The following MAD1L1 variants were observed in gnomAD, a reference collection of about 807,000 sequenced individuals.
MAD1L1 encodes mitotic arrest deficient 1 like 1.
MAD1L1 carries 95 observed loss-of-function variants against 96.9 expected under a neutral mutation model. That is an observed-to-expected ratio of 0.98 (90% CI 0.83 to 1.16). The LOEUF is 1.16. Ranked by LOEUF, MAD1L1 falls within the 50% of genes most tolerant of loss-of-function variation. MAD1L1 has a pLI of 0.00. For missense variants in MAD1L1, 1,007 were observed against 954.4 expected (o/e 1.06, Z -0.73); for synonymous variants, 473 against 396.6 (o/e 1.19, Z -2.29).
chr7:1,897,798 A>C (rs1786976783), intron 18 of MAD1L1, among the ~76,000 whole-genome samples: 1 of 152,174 alleles, frequency 6.6e-6, no homozygotes, highest in African/African-American at 2.4e-5. Context: ...CCCACTGCGC[A>C]GCCTGGCATC....
chr7:1,817,666 G>A (rs1248314514), intron 18 of MAD1L1, among the ~76,000 whole-genome samples: 3 of 152,214 alleles, frequency 2.0e-5, no homozygotes, highest in East Asian at 1.9e-4. Flanking sequence ...CGGGAGGAAC[G>A]GAACGGTAGA....
At chr7:1,885,552 G>C (rs1338649680) in intron 18 of MAD1L1, among the ~76,000 whole-genome samples, 1 of 152,172 alleles carries the variant, frequency 6.6e-6, no homozygotes. Flanking sequence ...ACGTGGAGCT[G>C]TCCCACGGTG....
At chr7:2,100,897 C>A (rs73038446) in intron 11 of MAD1L1, among the ~76,000 whole-genome samples, 4,120 of 152,342 alleles carry the variant, frequency 0.027, 98 homozygotes, top group South Asian at 0.089. Flanking sequence ...GCCTCCAGTG[C>A]CCCCCACCTC....
In MAD1L1 at chr7:1,929,482, G is replaced by A. The variant is rs141849164; in HGVS notation, c.1807+7205C>T. On this transcript the variant is annotated intron_variant, in intron 17 of 18. Coordinates refer to ENST00000265854, the MANE Select transcript of MAD1L1 (RefSeq NM_001013836.2). ...CTCCTATCCGCCAAGGGCCCGTGCC[G>A]ATGGCAAGGGTTGTTTAGTGACTGC... is the stretch of plus-strand genomic sequence containing the variant. Among the ~76,000 whole-genome samples the A allele has an allele frequency of 2.6e-3, 394 of 152,266 alleles. 1 individual carries two copies. The highest frequency in any genetic ancestry group is 9.1e-3 in the African/African-American group (379 of 41,530).
At chr7:1,866,938 C>G (rs1228209206) in intron 18 of MAD1L1, among the ~76,000 whole-genome samples, 1 of 152,194 alleles carries the variant, frequency 6.6e-6, no homozygotes, top group Non-Finnish European at 1.5e-5. Flanking sequence ...CACAGCGGTC[C>G]TCCTGCAGTA....
chr7:1,892,482 G>A (rs2128438643), intron 18 of MAD1L1, among the ~76,000 whole-genome samples: 1 of 152,306 alleles, frequency 6.6e-6, no homozygotes, highest in Non-Finnish European at 1.5e-5. Flanking sequence ...TGTATTACGT[G>A]CTTACTGGTT....
chr7:2,164,478 G>A (rs1276071769), intron 10 of MAD1L1, among the ~76,000 whole-genome samples: 11 of 151,648 alleles, frequency 7.3e-5, no homozygotes, highest in Admixed American at 2.0e-4. Flanking sequence ...CACGCCCATC[G>A]CCCGAGCAGG....
chr7:2,179,164 G>A (rs1272604990), intron 10 of MAD1L1, among the ~76,000 whole-genome samples: 1 of 152,164 alleles, frequency 6.6e-6, no homozygotes, highest in Non-Finnish European at 1.5e-5. Flanking sequence ...TGGCTCTCAA[G>A]AAGAGTGCGC....
chr7:2,155,200 G>C (rs1024615270), intron 10 of MAD1L1, among the ~76,000 whole-genome samples: 1 of 152,212 alleles, frequency 6.6e-6, no homozygotes, highest in African/African-American at 2.4e-5. Context: ...GGCCTGACCT[G>C]CTGACCTGCC....
At position 2,213,269 on chromosome 7, in the gene MAD1L1, A is replaced by C. The variant is rs774993639; in HGVS notation, c.929T>G (p.Leu310Arg). 1.9e-6 allele frequency: 3 copies of C among 1,614,120 alleles called. No individual in the cohort carries two copies. Among genetic ancestry groups the C allele is most frequent in the Non-Finnish European group, 2.5e-6 (3 of 1,180,004 alleles). ...CTCCCAGCTTTGCAGCTTGGCCAGC[A>C]GCCTCTGAAAAGACAACAAAAGCAC... Reference protein sequence around the residue: ...LVGLELENERLLAKLQSWERL... With the variant: ...LVGLELENERRLAKLQSWERL... The change falls in exon 10 of 19, where the codon CTG becomes CGG. Residue 310 changes from leucine to arginine, a missense_variant. Physicochemically the swap from Leu to Arg is moderately radical, Grantham distance 102. Transcript: ENST00000265854.
intron 3 of MAD1L1, among the ~76,000 whole-genome samples, chr7:2,226,295 G>A (rs757141274): frequency 6.6e-6 from 1 of 152,216 alleles, no homozygotes; most frequent in Non-Finnish European, 1.5e-5. Context: ...GGAGGCAGTA[G>A]GAAGGTGAGT....
In MAD1L1 at chr7:1,936,938, A is replaced by ACACACGCAGCACGGGT. The variant is rs759484176; in HGVS notation, c.1597-57_1597-42dup. 8 of 1,501,950 alleles carry ACACACGCAGCACGGGT rather than the reference A, an allele frequency of 5.3e-6. No homozygotes were observed. In the South Asian group the frequency reaches 7.5e-5, roughly 14 times the overall value. The allele number at this position is 1,501,950 out of a possible 1,614,324, so 93.0% of individuals were successfully genotyped here. Reference sequence around the variant, plus strand: ...CAGCACAGGTCACCATGGCCCAGGCACACACGCAGCACGGGTCACACACAG... The same window carrying ACACACGCAGCACGGGT: ...CAGCACAGGTCACCATGGCCCAGGCACACACGCAGCACGGGTCACACGCAGCACGGGTCACACACAG... On this transcript the variant is annotated intron_variant, in intron 16 of 18. Transcript: ENST00000265854.
At chr7:1,944,283 C>T (rs767010331) in intron 16 of MAD1L1, among the ~76,000 whole-genome samples, 10 of 152,282 alleles carry the variant, frequency 6.6e-5, no homozygotes, top group East Asian at 1.9e-4. Flanking sequence ...AAACGTTCTG[C>T]GAAGGGTGAC....
intron 11 of MAD1L1, among the ~76,000 whole-genome samples, chr7:2,081,976 G>T (rs574802955): frequency 6.6e-6 from 1 of 152,208 alleles, no homozygotes; most frequent in African/African-American, 2.4e-5. Context: ...AGGAAAATCT[G>T]ATCATGGAGA....
Position 2,103,486 on chromosome 7 carries a change from C to T in MAD1L1, c.1074-34148G>A, listed in dbSNP as rs142813377. On this transcript the variant is annotated intron_variant, in intron 11 of 18. Transcript: ENST00000265854. The surrounding 1 kb of genome is among the most constrained non-coding windows in gnomAD (Gnocchi z 4.3). ...CAGTGCAGCAGATCTCACCCGCCCC[C>T]GAGGCCACTGCACAGCGGCGGGGCT... 7.9e-5 allele frequency among the ~76,000 whole-genome samples: 12 copies of T among 152,266 alleles called. No homozygotes were observed. Among genetic ancestry groups the T allele is most frequent in the East Asian group, 1.9e-4 (1 of 5,160 alleles).
chr7:1,911,616 C>T (rs923438211), intron 17 of MAD1L1, among the ~76,000 whole-genome samples: 2 of 152,270 alleles, frequency 1.3e-5, no homozygotes, highest in African/African-American at 4.8e-5. Context: ...TCTGCAAGGC[C>T]AGACTCCGGC....
intron 12 of MAD1L1, among the ~76,000 whole-genome samples, chr7:2,063,190 T>G (rs1784738177): frequency 6.6e-6 from 1 of 152,126 alleles, no homozygotes; most frequent in African/African-American, 2.4e-5. Context: ...GCACACGCAA[T>G]GTGTTTCACG....
chr7:2,178,041 T>G (rs73287693), intron 10 of MAD1L1, among the ~76,000 whole-genome samples: 2,455 of 152,348 alleles, frequency 0.016, 69 homozygotes, highest in African/African-American at 0.056. Flanking sequence ...AAGAATTAAT[T>G]ACACAGAACT....
At chr7:1,943,821 A>G (rs918406232) in intron 16 of MAD1L1, among the ~76,000 whole-genome samples, 2 of 152,164 alleles carry the variant, frequency 1.3e-5, no homozygotes, top group African/African-American at 4.8e-5. Context: ...CAAAGCGGAA[A>G]CCATCCAGAT....
Sources: allele counts gnomAD v4.1 joint callset (sites outside exome capture counted in the v4.1 genomes callset), GRCh38; gene constraint gnomAD v4.1.1; non-coding constraint Gnocchi (gnomAD v3.1); transcripts MANE v1.5; gene names NCBI Gene and HGNC (gene_info 2026-07-23, HGNC 2026-07-21).